The following COL12A1 variants were observed in gnomAD, a reference collection of about 807,000 sequenced individuals.
The protein encoded by COL12A1 is collagen type XII alpha 1 chain.
In COL12A1, 114 loss-of-function variants were observed where a neutral mutation model predicts 349.7. The ratio of observed to expected loss-of-function variants is 0.33; its 90% CI spans 0.28 to 0.38. The LOEUF is 0.38. Ranked by LOEUF, COL12A1 falls within the 10% of genes least tolerant of loss-of-function variation. The pLI is 1.00. For missense variants in COL12A1, 3,284 were observed against 3,756.9 expected, an observed-to-expected ratio of 0.87 and a Z score of 3.29; for synonymous variants, 1,369 against 1,329.0, an observed-to-expected ratio of 1.03 and a Z score of -0.66.
intron 14 of COL12A1, 80 bp from the exon 15 acceptor site, chr6:75,156,603 A>AGCCACAGAGAGTTTCTTTTC: frequency 1.5e-6 from 2 of 1,352,010 alleles, no homozygotes; most frequent in Non-Finnish European, 2.0e-6. Flanking sequence ...TGTGAAAAGA[A>AGCCACAGAGAGTTTCTTTTC]ACTCTCTGTG....
chr6:75,128,191 A>T, intron 38 of COL12A1, 105 bp downstream of exon 38: 1 of 939,016 alleles, frequency 1.1e-6, no homozygotes, highest in Non-Finnish European at 1.5e-6. Flanking sequence ...GGTATTTGAG[A>T]TGTATTGGTA....
chr6:75,149,043 C>T (rs1005912128), intron 21 of COL12A1, among the ~76,000 whole-genome samples: 1 of 152,160 alleles, frequency 6.6e-6, no homozygotes, highest in African/African-American at 2.4e-5. Context: ...TGCTCTTCCT[C>T]CATGATTGTG....
intron 36 of COL12A1, 144 bp downstream of exon 36, chr6:75,130,708 G>T: frequency 9.5e-7 from 1 of 1,049,206 alleles, no homozygotes; most frequent in Non-Finnish European, 1.4e-6. Flanking sequence ...CAGACCCAAT[G>T]TTTTCGCCTG....
Position 75,129,980 on chromosome 6 carries a change from G to T in COL12A1, c.6210+111C>A. The T allele has an allele frequency of 2.4e-6, 3 of 1,259,358 alleles. No homozygotes were observed. In the South Asian group the frequency reaches 4.4e-5, roughly 19 times the overall value. The allele number at this position is 1,259,358 out of a possible 1,614,324, so 78.0% of individuals were successfully genotyped here. On this transcript the variant is annotated intron_variant, in intron 37 of 65. Coordinates refer to ENST00000322507, the MANE Select transcript of COL12A1 (RefSeq NM_004370.6). ...GTCATGTCAGAGAAAATCCTAAAGT[G>T]TGACTATCAAGGACTCAACCGTACT...
At chr6:75,183,815 TCACATATTCCA>T in intron 9 of COL12A1, 28 bp downstream of exon 9, 4 of 1,603,218 alleles carry the variant, frequency 2.5e-6, no homozygotes, top group Non-Finnish European at 3.4e-6. Flanking sequence ...AAACAGATCT[TCACATATTCCA>T]AATACAATGA....
intron 12 of COL12A1, 131 bp from the exon 13 acceptor site, chr6:75,175,441 A>G: frequency 9.3e-7 from 1 of 1,070,534 alleles, no homozygotes; most frequent in Non-Finnish European, 1.3e-6. Flanking sequence ...GACAATTTTA[A>G]CTGTTGACCA....
intron 3 of COL12A1, among the ~76,000 whole-genome samples, chr6:75,193,046 T>A (rs1057016342): frequency 1.3e-5 from 2 of 152,196 alleles, no homozygotes; most frequent in Non-Finnish European, 2.9e-5. Context: ...CTGATATTTT[T>A]AATTATATTG....
chr6:75,114,303 A>G (rs1482255271), intron 49 of COL12A1, among the ~76,000 whole-genome samples: 1 of 151,950 alleles, frequency 6.6e-6, no homozygotes, highest in Non-Finnish European at 1.5e-5. Flanking sequence ...CCCAGAGCTC[A>G]TATATTCCCA....
intron 13 of COL12A1, among the ~76,000 whole-genome samples, chr6:75,166,614 T>A (rs928652219): frequency 3.3e-5 from 5 of 152,210 alleles, no homozygotes; most frequent in Non-Finnish European, 7.4e-5. Flanking sequence ...GGTCACTTTA[T>A]ATTGTCTACC....
chr6:75,191,713 T>G lies in COL12A1; in HGVS notation c.382A>C (p.Thr128Pro). The G allele has an allele frequency of 6.3e-7, 1 of 1,596,168 alleles. No homozygotes were observed. Among genetic ancestry groups the G allele is most frequent in the Non-Finnish European group, 8.5e-7 (1 of 1,171,102 alleles). The change falls in exon 5 of 66, where the codon ACC becomes CCC. Residue 128 changes from threonine to proline, a missense_variant. Transcript: ENST00000322507. Reference sequence around the variant, plus strand: ...GAGAAACACTCACTTTGTATCTCGGTTTTTCCAGGTTTCTTCTCCACTGGC... The same window carrying G: ...GAGAAACACTCACTTTGTATCTCGGGTTTTCCAGGTTTCTTCTCCACTGGC... ...TKPVEKKPGK[T>P]EIQKCSVSAW... is the part of the protein sequence containing the mutation.
Position 75,175,037 on chromosome 6 carries a change from C to T in COL12A1, c.2710+1G>A, listed in dbSNP as rs1768848694. On this transcript the variant is annotated splice_donor_variant, in intron 13 of 65. Coordinates refer to ENST00000322507, the MANE Select transcript of COL12A1 (RefSeq NM_004370.6). LOFTEE classifies it high-confidence loss of function. The stretch of plus-strand genomic sequence containing the variant: ...TTTTCAGAAAATATGATGGTAATTA[C>T]CTTCAAGTGTTGTTCCTTCACCAAA... The T allele has an allele frequency of 1.2e-6, 2 of 1,613,532 alleles. No individual in the cohort carries two copies. The highest frequency in any genetic ancestry group is 1.3e-5 in the African/African-American group (1 of 74,900).
chr6:75,125,224 G>C lies in COL12A1; in HGVS notation c.6510C>G (p.Thr2170=), dbSNP rs751957433. 1.2e-6 allele frequency: 2 copies of C among 1,610,570 alleles called. No homozygotes were observed. The highest frequency in any genetic ancestry group is 2.2e-5 in the South Asian group (2 of 90,460). ...EAFVGEMTSY[T]LHNLNPSTTY... ...TGGTGCTGGGATTGAGATTGTGTAA[G>C]GTATATGATGTCATTTCTCCAACAA... Residue 2170 remains threonine (T), a synonymous_variant, in exon 40 of 66, where the codon ACC becomes ACG. Transcript: ENST00000322507.
chr6:75,152,624 ACT>A (rs1346968256), intron 17 of COL12A1, 142 bp from the exon 18 acceptor site: 1 of 853,168 alleles, frequency 1.2e-6, no homozygotes, highest in East Asian at 2.5e-5. Flanking sequence ...GGAGTATAAG[ACT>A]CTGAAAATAT....
Position 75,188,544 on chromosome 6 carries a change from C to T in COL12A1, c.824-9G>A, listed in dbSNP as rs747021186. ...ATCTGCAGCTTTAATGCCTTCAAAA[C>T]AAAAGGATAAGGACATATTGAAATG... is the stretch of plus-strand genomic sequence containing the variant. On this transcript the variant is annotated splice_polypyrimidine_tract_variant and intron_variant, in intron 7 of 65. Coordinates refer to ENST00000322507, the MANE Select transcript of COL12A1 (RefSeq NM_004370.6). 7 of 1,610,590 alleles carry T rather than the reference C, an allele frequency of 4.3e-6. No individual in the cohort carries two copies. In the South Asian group the frequency reaches 6.6e-5, roughly 15 times the overall value.
At chr6:75,205,708 A>C (rs1770746561) in intron 1 of COL12A1, 69 bp downstream of exon 1, 1 of 153,220 alleles carries the variant, frequency 6.5e-6, no homozygotes, top group Non-Finnish European at 1.5e-5. Context: ...GGTGCAAGCT[A>C]GACGCCGTTT....
rs758961396 is a variant in COL12A1, at chr6:75,202,751, C to T, written c.42G>A (p.Ala14=). The T allele has an allele frequency of 3.9e-6, 6 of 1,551,802 alleles. No homozygotes were observed. The highest frequency in any genetic ancestry group is 1.4e-5 in the African/African-American group (1 of 73,046). ...CCTCAATGGAAGACAGGAGCAGGGC[C>T]GCGCCCAGGGCGGCAAGCGCTGGGG... ...RLPPALAALG[A]ALLLSSIEAE... is the part of the protein sequence containing the mutation. Residue 14 remains alanine, a synonymous_variant, in exon 2 of 66, where the codon GCG becomes GCA. Coordinates refer to ENST00000322507, the MANE Select transcript of COL12A1 (RefSeq NM_004370.6).
Position 75,090,302 on chromosome 6 carries a change from C to T in COL12A1, c.8753-4G>A, listed in dbSNP as rs991524581. 26 of 1,598,250 alleles carry T rather than the reference C, an allele frequency of 1.6e-5. 1 individual carries two copies. In the Admixed American group the frequency reaches 4.4e-4, roughly 27 times the overall value. ...TGATTGAATCTGTTCATCTGACCTA[C>T]AAGCAGAAATAAGGCTTGTTAGTAA... On this transcript the variant is annotated splice_polypyrimidine_tract_variant and splice_region_variant and intron_variant, in intron 62 of 65. Coordinates refer to ENST00000322507, the MANE Select transcript of COL12A1 (RefSeq NM_004370.6). The surrounding 1 kb of genome is among the most constrained non-coding windows in gnomAD (Gnocchi z 4.1).
At chr6:75,102,558 C>A (rs1388287267) in intron 56 of COL12A1, 39 bp downstream of exon 56, 2 of 1,369,156 alleles carry the variant, frequency 1.5e-6, no homozygotes, top group Non-Finnish European at 2.0e-6. Flanking sequence ...AAATGTTTAT[C>A]CACCACTCTC....
Position 75,180,928 on chromosome 6 carries a change from C to T in COL12A1, c.2164+11G>A, listed in dbSNP as rs1310403516. On this transcript the variant is annotated intron_variant, in intron 11 of 65. Transcript: ENST00000322507. ...ATTTTCTGAATAACAGTGGCAGAAA[C>T]CCCATCACACCTTCTTCGGTGGTCT... 2 of 1,603,192 alleles carry T rather than the reference C, an allele frequency of 1.2e-6. No individual in the cohort carries two copies. Among genetic ancestry groups the T allele is most frequent in the Non-Finnish European group, 1.7e-6 (2 of 1,172,470 alleles).
Sources: gnomAD v4.1 joint callset for allele counts (sites outside exome capture counted in the v4.1 genomes callset) on GRCh38, gnomAD v4.1.1 for gene constraint, Gnocchi (gnomAD v3.1) non-coding constraint, MANE v1.5 for transcripts, NCBI Gene and HGNC (gene_info 2026-07-23, HGNC 2026-07-21) for gene names.